DYDC2: variants seen among roughly 807,000 people sequenced by gnomAD.
The protein encoded by DYDC2 is DPY30 domain-containing protein 2.
In DYDC2, 19 loss-of-function variants were observed where a neutral mutation model predicts 18.7. That is an observed-to-expected ratio of 1.02 (90% CI 0.71 to 1.49). The LOEUF (loss-of-function observed/expected upper bound fraction) is 1.49. DYDC2 is among the 40% of genes most tolerant of loss of function. The pLI is 0.00. For synonymous variants in DYDC2, 63 were observed against 67.6 expected, an observed-to-expected ratio of 0.93 and a Z score of 0.34; for missense variants, 179 against 205.1, an observed-to-expected ratio of 0.87 and a Z score of 0.78.
At chr10:80,347,575 TAC>T (rs1842746449) in intron 1 of DYDC2, among the ~76,000 whole-genome samples, 1 of 152,206 alleles carries the variant, frequency 6.6e-6, no homozygotes, top group African/African-American at 2.4e-5. Context: ...CCGGGAGTTT[TAC>T]AGTTTCAGGT....
At chr10:80,350,369 A>G (rs1842915326) in intron 1 of DYDC2, among the ~76,000 whole-genome samples, 1 of 152,192 alleles carries the variant, frequency 6.6e-6, no homozygotes, top group Admixed American at 6.5e-5. Context: ...ACCTCTGGGA[A>G]TTCTCTTATT....
rs1034758949 is a variant in DYDC2 at position 80,367,119 on chromosome 10, G to A, written c.*168G>A. 1.3e-6 allele frequency: 1 copy of A among 761,936 alleles called. No homozygotes were observed. Among genetic ancestry groups the A allele is most frequent in the Non-Finnish European group, 2.0e-6 (1 of 495,850 alleles). 47.2% of individuals were successfully genotyped at this position (761,936 alleles called of 1,614,324 possible). A position where few individuals can be genotyped will look rare whatever the true frequency, so the allele number is the denominator to read the frequency against. On this transcript the variant is annotated 3_prime_UTR_variant, in exon 5 of 5. Coordinates refer to ENST00000256039, the MANE Select transcript of DYDC2 (RefSeq NM_032372.6). ...CATGTGAACATTTGAACTAGTTATA[G>A]GATAAAATAAACTCAGAATAAGGAT...
chr10:80,353,378 G>A (rs1322938044), upstream of DYDC2, among the ~76,000 whole-genome samples: 2 of 151,398 alleles, frequency 1.3e-5, no homozygotes, highest in Non-Finnish European at 2.9e-5. Flanking sequence ...TAGCTAGGAT[G>A]GTCTCGATCT....
At chr10:80,362,727 C>G in intron 3 of DYDC2, 137 bp downstream of exon 3, 2 of 1,417,558 alleles carry the variant, frequency 1.4e-6, no homozygotes, top group South Asian at 2.9e-5. Context: ...CCAGATATCC[C>G]TGAAGCATGG....
chr10:80,362,842 C>A, intron 3 of DYDC2, 109 bp from the exon 4 acceptor site: 1 of 1,431,630 alleles, frequency 7.0e-7, no homozygotes, highest in Non-Finnish European at 9.4e-7. Context: ...CAAGAGGAAA[C>A]TCAACAGGCC....
chr10:80,361,979 T>C (rs1307997679), intron 2 of DYDC2, among the ~76,000 whole-genome samples: 1 of 152,224 alleles, frequency 6.6e-6, no homozygotes. Flanking sequence ...TGAAGTGTTT[T>C]GGTTTCAAGG....
chr10:80,355,186 A>G (rs1278830516), upstream of DYDC2, among the ~76,000 whole-genome samples: 2 of 151,926 alleles, frequency 1.3e-5, no homozygotes, highest in African/African-American at 4.8e-5. Flanking sequence ...GAGCATGGCA[A>G]TTACAGGGGA....
chr10:80,367,177 TCCTCTTG>T lies in DYDC2; in HGVS notation c.*227_*233del. ...AAGTAACCAAGTGGCTGTGACTTTT[TCCTCTTG>T]TTTTATCAACGTTTTGGAGACTACA... On this transcript the variant is annotated 3_prime_UTR_variant, in exon 5 of 5. Transcript: ENST00000256039. 4 of 510,358 alleles carry T rather than the reference TCCTCTTG, an allele frequency of 7.8e-6. No individual in the cohort carries two copies. Among genetic ancestry groups the T allele is most frequent in the Admixed American group, 3.9e-5 (1 of 25,678 alleles). The allele number at this position is 510,358 out of a possible 1,614,324, so 31.6% of individuals were successfully genotyped here.
intron 2 of DYDC2, among the ~76,000 whole-genome samples, chr10:80,360,763 C>CTTTTTTT (rs3038615): frequency 7.2e-6 from 1 of 139,694 alleles, no homozygotes. Flanking sequence ...TTCTTTCTTT[C>CTTTTTTT]TTTTTTTTTT....
At chr10:80,357,295 G>C (rs1843444704) in intron 1 of DYDC2, among the ~76,000 whole-genome samples, 1 of 151,874 alleles carries the variant, frequency 6.6e-6, no homozygotes, top group Non-Finnish European at 1.5e-5. Context: ...GAGCGGGCAC[G>C]CGGGACGGGC....
Position 80,363,072 on chromosome 10 carries a change from A to G in DYDC2, c.269A>G (p.Lys90Arg). 1 of 1,611,228 alleles carries G rather than the reference A, an allele frequency of 6.2e-7. No homozygotes were observed. The highest frequency in any genetic ancestry group is 8.5e-7 in the Non-Finnish European group (1 of 1,178,828). Residue 90 changes from lysine (K) to arginine (R), a missense_variant and splice_region_variant, in exon 4 of 5, where the codon AAG becomes AGG. Physicochemically the swap from Lys to Arg is conservative, Grantham distance 26. Transcript: ENST00000256039. ...QIQQNCEKCH[K>R]ELTSETVSTK... ...CAACAGAACTGTGAAAAGTGTCACA[A>G]GGTAGGGAGAAGGACTCAGCTTTGG...
chr10:80,356,607 C>T (rs1445893145), upstream of DYDC2: 3 of 985,398 alleles, frequency 3.0e-6, no homozygotes, highest in Admixed American at 6.1e-5. Flanking sequence ...GTGAGTCCTG[C>T]TCGACGCCCA....
chr10:80,368,004 A>G lies in DYDC2; in HGVS notation c.*1053A>G, dbSNP rs1452690167. ...TCTCTCTCCCCAGCCCCTGGCAACC[A>G]CCATTCTTTCTGTCTCTGTGATTTA... On this transcript the variant is annotated 3_prime_UTR_variant, in exon 5 of 5. Transcript: ENST00000256039. The G allele has an allele frequency of 3.3e-5, 5 of 151,958 alleles. No individual in the cohort carries two copies. The highest frequency in any genetic ancestry group is 5.9e-5 in the Non-Finnish European group (4 of 67,988). The allele number at this position is 151,958 out of a possible 1,614,324, so 9.4% of individuals were successfully genotyped here.
upstream of DYDC2, among the ~76,000 whole-genome samples, chr10:80,356,036 G>A (rs1047692441): frequency 8.6e-5 from 13 of 150,674 alleles, no homozygotes; most frequent in Admixed American, 6.0e-4. Flanking sequence ...TGCTCCAGAA[G>A]GATAAAATGT....
rs1486966271 is a variant in DYDC2 at position 80,368,056 on chromosome 10, A to G, written c.*1105A>G. The G allele has an allele frequency of 6.6e-6, 1 of 152,260 alleles. No homozygotes were observed. The highest frequency in any genetic ancestry group is 2.4e-5 in the African/African-American group (1 of 41,466). 9.4% of individuals were successfully genotyped at this position (152,260 alleles called of 1,614,324 possible). A position where few individuals can be genotyped will look rare whatever the true frequency, so the allele number is the denominator to read the frequency against. ...ATTACTCTGTAAGTATGTTGTATAA[A>G]TAGACTCATACAATGTTTGTCTTTT... On this transcript the variant is annotated 3_prime_UTR_variant, in exon 5 of 5. Coordinates refer to ENST00000256039, the MANE Select transcript of DYDC2 (RefSeq NM_032372.6).
At position 80,367,714 on chromosome 10, in the gene DYDC2, T is replaced by C. The variant is rs1458552473; in HGVS notation, c.*763T>C. ...CAGTCAGGCCTCTCCGAGTATTTTT[T>C]ACACATATCCTGGAGTCTACCTATG... is the stretch of plus-strand genomic sequence containing the variant. On this transcript the variant is annotated 3_prime_UTR_variant, in exon 5 of 5. Transcript: ENST00000256039. The C allele has an allele frequency of 1.3e-5, 2 of 152,222 alleles. No individual in the cohort carries two copies. Among genetic ancestry groups the C allele is most frequent in the African/African-American group, 4.8e-5 (2 of 41,446 alleles). The allele number at this position is 152,222 out of a possible 1,614,324, so 9.4% of individuals were successfully genotyped here. A position where few individuals can be genotyped will look rare whatever the true frequency, so the allele number is the denominator to read the frequency against.
At chr10:80,359,305 C>G (rs1843586845) in intron 2 of DYDC2, among the ~76,000 whole-genome samples, 1 of 152,148 alleles carries the variant, frequency 6.6e-6, no homozygotes, top group South Asian at 2.1e-4. Context: ...GAGCTAGACA[C>G]GGGGTGCTGA....
chr10:80,359,643 G>A (rs1465674101), intron 2 of DYDC2, among the ~76,000 whole-genome samples: 1 of 152,210 alleles, frequency 6.6e-6, no homozygotes, highest in Non-Finnish European at 1.5e-5. Flanking sequence ...CCCGTGGGGA[G>A]GCAGTAGAGG....
At chr10:80,356,321 A>T, upstream of DYDC2, 1 of 985,590 alleles carries the variant, frequency 1.0e-6, no homozygotes, top group East Asian at 1.1e-4. Flanking sequence ...AGCGTGAAGA[A>T]GGTGCCACAG....
Sources: allele counts gnomAD v4.1 joint callset (sites outside exome capture counted in the v4.1 genomes callset), GRCh38; gene constraint gnomAD v4.1.1; transcripts MANE v1.5; gene names NCBI Gene and HGNC (gene_info 2026-07-23, HGNC 2026-07-21).